DRG1: variants seen among roughly 807,000 people sequenced by gnomAD.
DRG1 encodes developmentally-regulated GTP-binding protein 1.
Under a neutral mutation model 38.8 loss-of-function variants are expected in DRG1, and 19 were observed. The observed-to-expected ratio is 0.49, with a 90% CI of 0.34 to 0.72. DRG1 has a LOEUF of 0.72. Ranked by LOEUF, DRG1 falls within the 30% of genes least tolerant of loss-of-function variation. DRG1 has a pLI of 0.01. For synonymous variants in DRG1, 167 were observed against 157.5 expected, an observed-to-expected ratio of 1.06 and a Z score of -0.45; for missense variants, 299 against 444.8, an observed-to-expected ratio of 0.67 and a Z score of 2.95.
At chr22:31,412,069 A>G (rs1372649172) in intron 4 of DRG1, among the ~76,000 whole-genome samples, 2 of 151,748 alleles carry the variant, frequency 1.3e-5, no homozygotes, top group Non-Finnish European at 2.9e-5. Flanking sequence ...AGACGGGCAA[A>G]TCACGAGGTC....
In DRG1 at chr22:31,399,788, C is replaced by T. The variant is rs1021192221; in HGVS notation, c.42+63C>T. ...CATTCCTTCTTTGGTGGCGTCGCTC[C>T]TTCCTGTTCTCCTTTGAGCCGCGTC... On this transcript the variant is annotated intron_variant, in intron 1 of 8. Coordinates refer to ENST00000331457, the MANE Select transcript of DRG1 (RefSeq NM_004147.4). 15 of 1,611,376 alleles carry T rather than the reference C, an allele frequency of 9.3e-6. No homozygotes were observed. The Admixed American group carries it at 2.5e-4, about 27-fold the overall frequency.
intron 4 of DRG1, among the ~76,000 whole-genome samples, chr22:31,419,600 G>T (rs1282488013): frequency 6.6e-6 from 1 of 152,144 alleles, no homozygotes; most frequent in African/African-American, 2.4e-5. Context: ...AGATTGAAAG[G>T]AGGCACAAAG....
chr22:31,433,837 A>G (rs779427810), intron 8 of DRG1, 35 bp from the exon 9 acceptor site: 2 of 1,598,918 alleles, frequency 1.3e-6, no homozygotes, highest in South Asian at 2.2e-5. Context: ...CTAGGTTATT[A>G]TTTACACTGA....
chr22:31,417,212 A>T (rs2050049854), intron 4 of DRG1, among the ~76,000 whole-genome samples: 1 of 151,732 alleles, frequency 6.6e-6, no homozygotes, highest in East Asian at 1.9e-4. Context: ...TCTGCTAAAA[A>T]TACAAAAATT....
rs951167073 is a variant in DRG1, at chr22:31,401,583, CAAAAAAAAAAA to C, written c.166+853_166+863del. Among the ~76,000 whole-genome samples, 60 of 53,738 alleles carry C rather than the reference CAAAAAAAAAAA, an allele frequency of 1.1e-3. No homozygotes were observed. The East Asian group carries it at 0.023, about 21-fold the overall frequency. 35.3% of individuals were successfully genotyped at this position (53,738 alleles called of 152,430 possible). A position where few individuals can be genotyped will look rare whatever the true frequency, so the allele number is the denominator to read the frequency against. On this transcript the variant is annotated intron_variant, in intron 2 of 8. Coordinates refer to ENST00000331457, the MANE Select transcript of DRG1 (RefSeq NM_004147.4). ...TGGGCTACAGAGCTAGACTCTGTCT[CAAAAAAAAAAA>C]AAAAAAAAAAAAGTATCCTAGCATG...
In DRG1 at chr22:31,410,992, C is replaced by T; in HGVS notation, c.343-20C>T. The T allele has an allele frequency of 1.2e-6, 2 of 1,612,680 alleles. No homozygotes were observed. Among genetic ancestry groups the T allele is most frequent in the South Asian group, 1.1e-5 (1 of 90,864 alleles). On this transcript the variant is annotated intron_variant, in intron 3 of 8. Coordinates refer to ENST00000331457, the MANE Select transcript of DRG1 (RefSeq NM_004147.4). ...ACCAGTTTTTTCTTTCATCCTCTTC[C>T]CCCATTCTTAATCTTGCAGCTCCTG...
chr22:31,431,529 G>A (rs2050139625), intron 8 of DRG1, among the ~76,000 whole-genome samples: 1 of 152,036 alleles, frequency 6.6e-6, no homozygotes, highest in Admixed American at 6.6e-5. Flanking sequence ...GCCAGACATG[G>A]TACCAGGCAC....
At chr22:31,401,302 G>T (rs1221545912) in intron 2 of DRG1, among the ~76,000 whole-genome samples, 4 of 151,288 alleles carry the variant, frequency 2.6e-5, no homozygotes, top group Non-Finnish European at 1.5e-5. Flanking sequence ...AAAAAAAAAG[G>T]CTGGGTGCGG....
At chr22:31,415,124 G>GC (rs1329562757) in intron 4 of DRG1, among the ~76,000 whole-genome samples, 8 of 152,042 alleles carry the variant, frequency 5.3e-5, no homozygotes. Flanking sequence ...TATTGCCTAG[G>GC]CAGTGATTGT....
intron 4 of DRG1, among the ~76,000 whole-genome samples, chr22:31,412,636 A>G (rs1439429153): frequency 6.6e-6 from 1 of 151,330 alleles, no homozygotes; most frequent in African/African-American, 2.4e-5. Flanking sequence ...GGTGTGAACC[A>G]CCGTGCCTGG....
At chr22:31,433,289 T>TG (rs1830601613) in intron 8 of DRG1, among the ~76,000 whole-genome samples, 1 of 149,516 alleles carries the variant, frequency 6.7e-6, no homozygotes. Flanking sequence ...TTTTTTTTTT[T>TG]GAGGCGGAGT....
At chr22:31,422,436 GAAA>G (rs936288887) in intron 5 of DRG1, among the ~76,000 whole-genome samples, 1 of 151,102 alleles carries the variant, frequency 6.6e-6, no homozygotes, top group Admixed American at 6.6e-5. Flanking sequence ...CGTCTCAAAA[GAAA>G]AAAAAGAAAG....
At chr22:31,431,402 C>T (rs1446159269) in intron 8 of DRG1, among the ~76,000 whole-genome samples, 1 of 152,144 alleles carries the variant, frequency 6.6e-6, no homozygotes, top group Non-Finnish European at 1.5e-5. Flanking sequence ...TGTGGTAGCT[C>T]ACGCCTGTAA....
intron 2 of DRG1, among the ~76,000 whole-genome samples, chr22:31,401,051 C>T (rs2049958173): frequency 6.6e-6 from 1 of 151,732 alleles, no homozygotes; most frequent in Non-Finnish European, 1.5e-5. Flanking sequence ...TATTTTTATT[C>T]TGCCGGTTTC....
intron 7 of DRG1, 24 bp downstream of exon 7, chr22:31,426,806 T>C (rs1569051424): frequency 6.2e-7 from 1 of 1,610,820 alleles, no homozygotes; most frequent in South Asian, 1.1e-5. Context: ...GATAGGGTAA[T>C]GTTGCTATAG....
chr22:31,429,904 C>T (rs766187411), intron 8 of DRG1, among the ~76,000 whole-genome samples: 4 of 152,148 alleles, frequency 2.6e-5, no homozygotes, highest in Non-Finnish European at 5.9e-5. Flanking sequence ...CCTACCTTCA[C>T]CTCCCAAAGT....
At chr22:31,423,468 A>G in intron 6 of DRG1, 58 bp downstream of exon 6, 1 of 1,590,062 alleles carries the variant, frequency 6.3e-7, no homozygotes, top group Non-Finnish European at 8.6e-7. Context: ...TGATGGAAAC[A>G]GTATTGGATC....
intron 4 of DRG1, among the ~76,000 whole-genome samples, chr22:31,418,947 C>T (rs1160438037): frequency 6.6e-6 from 1 of 152,156 alleles, no homozygotes; most frequent in Non-Finnish European, 1.5e-5. Context: ...TCCCGAACTG[C>T]TGGGATTACA....
chr22:31,432,011 C>G (rs2050141780), intron 8 of DRG1, among the ~76,000 whole-genome samples: 2 of 150,648 alleles, frequency 1.3e-5, no homozygotes, highest in South Asian at 4.2e-4. Context: ...CATATCGAAG[C>G]AAACAGGATT....
Sources: gnomAD v4.1 joint callset for allele counts (sites outside exome capture counted in the v4.1 genomes callset) on GRCh38, gnomAD v4.1.1 for gene constraint, MANE v1.5 for transcripts, NCBI Gene and HGNC (gene_info 2026-07-23, HGNC 2026-07-21) for gene names.